The following SLC39A12 variants were observed in gnomAD, a reference collection of about 807,000 sequenced individuals.
The protein encoded by SLC39A12 is zinc transporter ZIP12.
A neutral mutation model predicts 71.1 loss-of-function variants in SLC39A12; 63 were observed. That is an observed-to-expected ratio of 0.89 (90% CI 0.72 to 1.09). The LOEUF (loss-of-function observed/expected upper bound fraction) is 1.09. Among genes scored for constraint, SLC39A12 ranks in the 50% least tolerant of loss-of-function variants. The probability of loss-of-function intolerance (pLI) is 0.00; values close to 1 mark genes in which losing one functional copy is unlikely to be tolerated. For missense variants in SLC39A12, 892 were observed against 812.6 expected (o/e 1.10, Z -1.19); for synonymous variants, 351 against 301.3 (o/e 1.16, Z -1.71).
intron 2 of SLC39A12, among the ~76,000 whole-genome samples, chr10:17,958,600 C>A (rs1302595739): frequency 6.6e-6 from 1 of 152,130 alleles, no homozygotes; most frequent in African/African-American, 2.4e-5. Flanking sequence ...TCCTGTTCTT[C>A]GAAGAGCAGG....
At chr10:17,979,871 T>C (rs954040346) in intron 5 of SLC39A12, among the ~76,000 whole-genome samples, 4 of 152,302 alleles carry the variant, frequency 2.6e-5, no homozygotes, top group South Asian at 2.1e-4. Flanking sequence ...TCAGGACTTA[T>C]AGATGCAGCA....
chr10:18,041,481 G>C (rs1231794546), intron 12 of SLC39A12, among the ~76,000 whole-genome samples: 2 of 149,718 alleles, frequency 1.3e-5, no homozygotes, highest in Non-Finnish European at 3.0e-5. Flanking sequence ...GGGTGACAGA[G>C]TGAGACTCTG....
chr10:18,017,853 G>A (rs772593540), intron 12 of SLC39A12, among the ~76,000 whole-genome samples: 7 of 152,120 alleles, frequency 4.6e-5, no homozygotes, highest in African/African-American at 1.7e-4. Flanking sequence ...CTTTAATATT[G>A]AGTTGGCTAT....
At chr10:18,017,779 T>G (rs1788560775) in intron 12 of SLC39A12, among the ~76,000 whole-genome samples, 1 of 151,980 alleles carries the variant, frequency 6.6e-6, no homozygotes, top group Non-Finnish European at 1.5e-5. Context: ...TCTTGATTCC[T>G]GTAACATTAT....
At chr10:18,031,219 C>T (rs1219760294) in intron 12 of SLC39A12, among the ~76,000 whole-genome samples, 2 of 147,028 alleles carry the variant, frequency 1.4e-5, no homozygotes, top group Non-Finnish European at 3.0e-5. Flanking sequence ...TGAGGACTCG[C>T]CACACTGACT....
chr10:17,966,799 C>T (rs1456385038), intron 4 of SLC39A12, among the ~76,000 whole-genome samples: 2 of 151,630 alleles, frequency 1.3e-5, no homozygotes, highest in East Asian at 1.9e-4. Context: ...GTGAAACCTA[C>T]GTCTCTACTA....
chr10:18,020,219 A>G (rs7913852), intron 12 of SLC39A12, among the ~76,000 whole-genome samples: 5,066 of 151,998 alleles, frequency 0.033, 277 homozygotes, highest in African/African-American at 0.11. Flanking sequence ...AACATGCGGT[A>G]TTTGGTTTTC....
At chr10:17,979,117 A>C (rs892712810) in intron 5 of SLC39A12, among the ~76,000 whole-genome samples, 1 of 152,264 alleles carries the variant, frequency 6.6e-6, no homozygotes. Context: ...ACATATTTCA[A>C]AATTACATAG....
At chr10:18,034,136 T>C (rs1412312871) in intron 12 of SLC39A12, among the ~76,000 whole-genome samples, 1 of 152,172 alleles carries the variant, frequency 6.6e-6, no homozygotes. Flanking sequence ...TGTTGATTTG[T>C]GGTGGAGGGT....
intron 10 of SLC39A12, among the ~76,000 whole-genome samples, chr10:17,996,483 G>A (rs1415011265): frequency 2.0e-5 from 3 of 152,084 alleles, no homozygotes; most frequent in African/African-American, 4.8e-5. Flanking sequence ...CCATTCTACC[G>A]TAATAACTTA....
At chr10:17,971,624 T>C (rs78683199) in intron 4 of SLC39A12, among the ~76,000 whole-genome samples, 5 of 152,126 alleles carry the variant, frequency 3.3e-5, no homozygotes, top group Non-Finnish European at 5.9e-5. Context: ...TATTGGCGTA[T>C]GGTTACTCAT....
At chr10:18,008,390 G>T (rs1384567125) in intron 12 of SLC39A12, among the ~76,000 whole-genome samples, 2 of 152,098 alleles carry the variant, frequency 1.3e-5, no homozygotes, top group African/African-American at 4.8e-5. Flanking sequence ...TCCAGATGGG[G>T]CCGACTAGTT....
chr10:17,995,155 A>T (rs1436340348), intron 9 of SLC39A12, among the ~76,000 whole-genome samples: 1 of 152,216 alleles, frequency 6.6e-6, no homozygotes, highest in Non-Finnish European at 1.5e-5. Flanking sequence ...TCTTTTACTG[A>T]CTGGCAAAGC....
At chr10:18,036,777 TATATATATATATATA>T (rs1287506976) in intron 12 of SLC39A12, among the ~76,000 whole-genome samples, 597 of 18,682 alleles carry the variant, frequency 0.032, 26 homozygotes, top group Non-Finnish European at 0.052. Context: ...TATATATATA[TATATATATATATATA>T]TATTTTTTTT....
chr10:18,039,891 T>C (rs1263783110), intron 12 of SLC39A12, among the ~76,000 whole-genome samples: 1 of 152,230 alleles, frequency 6.6e-6, no homozygotes, highest in East Asian at 1.9e-4. Flanking sequence ...TTTGAATTAA[T>C]ATCAAGGCAT....
chr10:18,009,360 T>G (rs1836133271), intron 12 of SLC39A12, among the ~76,000 whole-genome samples: 1 of 152,078 alleles, frequency 6.6e-6, no homozygotes, highest in Admixed American at 6.6e-5. Flanking sequence ...CCTGTCCAAT[T>G]CATGCCAAAA....
Position 17,965,670 on chromosome 10 carries a change from C to G in SLC39A12, c.731C>G (p.Thr244Arg). 3 of 1,613,712 alleles carry G rather than the reference C, an allele frequency of 1.9e-6. No individual in the cohort carries two copies. The highest frequency in any genetic ancestry group is 2.5e-6 in the Non-Finnish European group (3 of 1,179,704). ...TEYIFSSLNR[T>R]NTLRLSELDQ... ...TATATTTTCAGTTCCTTGAATCGTACGAATACCCTCCGCCTATCAGGTAAG... is the reference window on the plus strand; with the variant it reads ...TATATTTTCAGTTCCTTGAATCGTAGGAATACCCTCCGCCTATCAGGTAAG... Residue 244 changes from threonine to arginine, a missense_variant, in exon 4 of 13, where the codon ACG becomes AGG. Transcript: ENST00000377369.
At chr10:17,993,966 C>T (rs1835621343) in intron 9 of SLC39A12, among the ~76,000 whole-genome samples, 1 of 152,128 alleles carries the variant, frequency 6.6e-6, no homozygotes, top group Non-Finnish European at 1.5e-5. Context: ...AGGACAGCTT[C>T]CTCAGTAGAA....
At chr10:18,037,756 G>A (rs545282224) in intron 12 of SLC39A12, among the ~76,000 whole-genome samples, 3 of 152,056 alleles carry the variant, frequency 2.0e-5, no homozygotes, top group Admixed American at 1.3e-4. Context: ...AGGTGCAGGG[G>A]CTCACACCTG....
Sources: allele counts gnomAD v4.1 joint callset (sites outside exome capture counted in the v4.1 genomes callset), GRCh38; gene constraint gnomAD v4.1.1; transcripts MANE v1.5; gene names NCBI Gene and HGNC (gene_info 2026-07-23, HGNC 2026-07-21).